Variants in PPP3CA observed in about 807,000 individuals in gnomAD.
The protein encoded by PPP3CA is protein phosphatase 3 catalytic subunit alpha, also known as CAM-PRP catalytic subunit.
A neutral mutation model predicts 66.5 loss-of-function variants in PPP3CA; 14 were observed. The observed-to-expected ratio is 0.21, with a 90% CI of 0.14 to 0.33. The LOEUF (loss-of-function observed/expected upper bound fraction) is 0.33, where lower values mean the gene tolerates loss of function less well. PPP3CA is among the 10% of genes least tolerant of loss of function. The pLI is 1.00. For synonymous variants in PPP3CA, 232 were observed against 226.2 expected (o/e 1.03, Z -0.23); for missense variants, 317 against 639.5 (o/e 0.50, Z 5.44).
At chr4:101,106,431 AAG>A (rs1730702895) in intron 3 of PPP3CA, among the ~76,000 whole-genome samples, 2 of 13,692 alleles carry the variant, frequency 1.5e-4, no homozygotes, top group East Asian at 1.8e-3. Flanking sequence ...GAAAGAAAGA[AAG>A]AAAGAAAGAA....
At chr4:101,302,331 G>T (rs1728405338) in intron 1 of PPP3CA, among the ~76,000 whole-genome samples, 1 of 152,088 alleles carries the variant, frequency 6.6e-6, no homozygotes, top group South Asian at 2.1e-4. Flanking sequence ...GTTCCTTCTG[G>T]ATTTAACATT....
At chr4:101,240,048 C>CGG (rs34664327) in intron 1 of PPP3CA, among the ~76,000 whole-genome samples, 22 of 135,852 alleles carry the variant, frequency 1.6e-4, no homozygotes, top group South Asian at 4.7e-4. Flanking sequence ...TTGGGGGGAG[C>CGG]GGGGGGGAGG....
At chr4:101,280,015 T>C (rs967828208) in intron 1 of PPP3CA, among the ~76,000 whole-genome samples, 4 of 152,238 alleles carry the variant, frequency 2.6e-5, no homozygotes, top group Non-Finnish European at 5.9e-5. Context: ...GTGGTAGTAA[T>C]GTTCATGTAG....
At chr4:101,201,699 T>G (rs1277757031) in intron 1 of PPP3CA, among the ~76,000 whole-genome samples, 1 of 152,238 alleles carries the variant, frequency 6.6e-6, no homozygotes, top group Non-Finnish European at 1.5e-5. Context: ...GAACAAGGAC[T>G]GTCAAAGATA....
At chr4:101,300,670 G>T (rs1450454517) in intron 1 of PPP3CA, among the ~76,000 whole-genome samples, 2 of 151,994 alleles carry the variant, frequency 1.3e-5, no homozygotes, top group African/African-American at 4.8e-5. Context: ...GGTGACACAC[G>T]CCTGCAGTTT....
rs535846738 is a variant in PPP3CA at position 101,312,081 on chromosome 4, C to T, written c.58+34658G>A. ...CACTTTTCTATGTGGCTTACACAGA[C>T]ATTTCATTTAATTATAAGCAGTTGA... On this transcript the variant is annotated intron_variant, in intron 1 of 13. Coordinates refer to ENST00000394854, the MANE Select transcript of PPP3CA (RefSeq NM_000944.5). 7.2e-5 allele frequency among the ~76,000 whole-genome samples: 11 copies of T among 152,098 alleles called. No homozygotes were observed. In the South Asian group the frequency reaches 2.3e-3, roughly 31 times the overall value.
chr4:101,075,547 T>G (rs1421258865), intron 8 of PPP3CA, among the ~76,000 whole-genome samples: 1 of 152,224 alleles, frequency 6.6e-6, no homozygotes, highest in Non-Finnish European at 1.5e-5. Context: ...CATGGAAACC[T>G]ACTGTCGTTT....
chr4:101,039,277 T>C (rs1340465433), intron 11 of PPP3CA, among the ~76,000 whole-genome samples: 1 of 144,848 alleles, frequency 6.9e-6, no homozygotes, highest in East Asian at 1.9e-4. Context: ...ACTCAGAAAG[T>C]TTTTTGTTGA....
Position 101,321,197 on chromosome 4 carries a change from G to A in PPP3CA, c.58+25542C>T, listed in dbSNP as rs1044094585. ...CTCACCTACATTTTATAGATATAAT[G>A]CTTATAAACAAACTCAAGGATAGAT... is the stretch of plus-strand genomic sequence containing the variant. On this transcript the variant is annotated intron_variant, in intron 1 of 13. Transcript: ENST00000394854. 3.3e-5 allele frequency among the ~76,000 whole-genome samples: 5 copies of A among 152,124 alleles called. No individual in the cohort carries two copies. In the East Asian group the frequency reaches 9.6e-4, roughly 29 times the overall value.
chr4:101,113,230 A>G (rs894120994), intron 2 of PPP3CA, among the ~76,000 whole-genome samples: 1 of 152,082 alleles, frequency 6.6e-6, no homozygotes, highest in Non-Finnish European at 1.5e-5. Flanking sequence ...GAGGTTTTGA[A>G]ACTACAGATT....
At chr4:101,135,176 A>C (rs559925883) in intron 2 of PPP3CA, among the ~76,000 whole-genome samples, 2 of 152,042 alleles carry the variant, frequency 1.3e-5, no homozygotes, top group Admixed American at 1.3e-4. Context: ...TATGTAACAA[A>C]CCTGCACCTT....
intron 1 of PPP3CA, among the ~76,000 whole-genome samples, chr4:101,210,934 T>A (rs1038574668): frequency 1.3e-5 from 2 of 152,056 alleles, no homozygotes; most frequent in African/African-American, 4.8e-5. Flanking sequence ...TCAAAGAGAG[T>A]AAGAGTAGTA....
chr4:101,309,284 T>C (rs548742117), intron 1 of PPP3CA, among the ~76,000 whole-genome samples: 57 of 152,318 alleles, frequency 3.7e-4, no homozygotes, highest in African/African-American at 1.3e-3. Flanking sequence ...ATCTTGGTAC[T>C]TCCTGTTGCT....
chr4:101,126,167 A>C (rs1342600205), intron 2 of PPP3CA, among the ~76,000 whole-genome samples: 1 of 152,230 alleles, frequency 6.6e-6, no homozygotes, highest in Non-Finnish European at 1.5e-5. Flanking sequence ...AAAATTGTGA[A>C]TGCCAAGAGA....
At chr4:101,157,866 CAA>C (rs770632810) in intron 2 of PPP3CA, among the ~76,000 whole-genome samples, 12 of 48,860 alleles carry the variant, frequency 2.5e-4, no homozygotes, top group African/African-American at 4.6e-4. Flanking sequence ...CCTTAGGAGG[CAA>C]AAAAAAAAAA....
intron 2 of PPP3CA, among the ~76,000 whole-genome samples, chr4:101,170,061 G>T (rs1723824669): frequency 6.6e-6 from 1 of 152,026 alleles, no homozygotes; most frequent in Admixed American, 6.6e-5. Flanking sequence ...TTATTTGCTA[G>T]CATTTGCTGA....
intron 1 of PPP3CA, among the ~76,000 whole-genome samples, chr4:101,229,870 A>G (rs1326017160): frequency 6.6e-6 from 1 of 151,672 alleles, no homozygotes; most frequent in African/African-American, 2.4e-5. Context: ...GGCAAAAAGA[A>G]AAGTGAGATA....
At chr4:101,160,007 A>G (rs1263746074) in intron 2 of PPP3CA, among the ~76,000 whole-genome samples, 1 of 152,190 alleles carries the variant, frequency 6.6e-6, no homozygotes, top group Non-Finnish European at 1.5e-5. Context: ...AATAGAAAAA[A>G]TATTCATGTA....
At position 101,137,442 on chromosome 4, in the gene PPP3CA, A is replaced by G. The variant is rs543461171; in HGVS notation, c.260-28364T>C. ...GGCTGAGGAATGGTTTGCAGTTCCC[A>G]GGTGTCATGCTCGGTGTGAGAACGC... is the stretch of plus-strand genomic sequence containing the variant. On this transcript the variant is annotated intron_variant, in intron 2 of 13. Transcript: ENST00000394854. Among the ~76,000 whole-genome samples the G allele has an allele frequency of 4.6e-5, 7 of 152,254 alleles. No homozygotes were observed. In the South Asian group the frequency reaches 1.5e-3, roughly 32 times the overall value.
Sources: allele counts gnomAD v4.1 joint callset (sites outside exome capture counted in the v4.1 genomes callset), GRCh38; gene constraint gnomAD v4.1.1; transcripts MANE v1.5; gene names NCBI Gene and HGNC (gene_info 2026-07-23, HGNC 2026-07-21).